The following MGAT4C variants were observed in gnomAD, a reference collection of about 807,000 sequenced individuals.
MGAT4C encodes alpha-1,3-mannosyl-glycoprotein 4-beta-N-acetylglucosaminyltransferase C.
A neutral mutation model predicts 40.1 loss-of-function variants in MGAT4C; 19 were observed. The ratio of observed to expected loss-of-function variants is 0.47; its 90% CI spans 0.33 to 0.70. The LOEUF is 0.70. Ranked by LOEUF, MGAT4C falls within the 30% of genes least tolerant of loss-of-function variation. MGAT4C has a pLI of 0.02. For missense variants in MGAT4C, 491 were observed against 563.2 expected (o/e 0.87, Z 1.30); for synonymous variants, 181 against 187.1 (o/e 0.97, Z 0.27).
intron 1 of MGAT4C, among the ~76,000 whole-genome samples, chr12:86,173,413 C>T (rs1887056906): frequency 6.6e-6 from 1 of 151,914 alleles, no homozygotes; most frequent in Non-Finnish European, 1.5e-5. Flanking sequence ...AGCAGGAATG[C>T]CCATAATAGA....
At chr12:86,591,576 A>G (rs1050713635) in intron 2 of MGAT4C, among the ~76,000 whole-genome samples, 1 of 151,938 alleles carries the variant, frequency 6.6e-6, no homozygotes, top group African/African-American at 2.4e-5. Flanking sequence ...ACAAATATCA[A>G]AATTAAAGAG....
At chr12:86,749,614 TA>T (rs1362899750) in intron 1 of MGAT4C, among the ~76,000 whole-genome samples, 1 of 151,760 alleles carries the variant, frequency 6.6e-6, no homozygotes, top group Non-Finnish European at 1.5e-5. Context: ...ACTAAATAAT[TA>T]AAGACAAATC....
chr12:86,515,496 C>G (rs111287770), intron 2 of MGAT4C, among the ~76,000 whole-genome samples: 10,257 of 151,924 alleles, frequency 0.068, 490 homozygotes, highest in Middle Eastern at 0.13. Flanking sequence ...CAAAGAACAA[C>G]TTAAAAATGG....
intron 1 of MGAT4C, among the ~76,000 whole-genome samples, chr12:86,063,453 G>GA (rs1220261608): frequency 6.6e-6 from 1 of 152,122 alleles, no homozygotes; most frequent in African/African-American, 2.4e-5. Context: ...AGACTATGAA[G>GA]AAACTGCATC....
At chr12:86,632,716 T>G (rs138354852) in intron 2 of MGAT4C, among the ~76,000 whole-genome samples, 4 of 149,494 alleles carry the variant, frequency 2.7e-5, no homozygotes, top group African/African-American at 7.4e-5. Context: ...ATGAGAACAG[T>G]TGGACACAGG....
At chr12:86,576,269 C>G (rs1348360653) in intron 2 of MGAT4C, among the ~76,000 whole-genome samples, 3 of 151,818 alleles carry the variant, frequency 2.0e-5, no homozygotes, top group South Asian at 2.1e-4. Context: ...TATTTTCTCC[C>G]ATTTTGTGGG....
At chr12:86,076,367 T>A (rs1226808229) in intron 1 of MGAT4C, among the ~76,000 whole-genome samples, 1 of 152,222 alleles carries the variant, frequency 6.6e-6, no homozygotes, top group Non-Finnish European at 1.5e-5. Context: ...TTCAAACTTT[T>A]CCACATTTTC....
intron 2 of MGAT4C, among the ~76,000 whole-genome samples, chr12:85,993,729 C>A (rs1886263030): frequency 6.6e-6 from 1 of 152,088 alleles, no homozygotes; most frequent in Admixed American, 6.5e-5. Context: ...GCAGTGGGAA[C>A]CATGAGGAAA....
At chr12:86,097,599 T>A (rs1049819619) in intron 1 of MGAT4C, among the ~76,000 whole-genome samples, 5 of 151,648 alleles carry the variant, frequency 3.3e-5, no homozygotes, top group African/African-American at 1.2e-4. Context: ...AGAGTATACA[T>A]CTTTGAAACT....
intron 1 of MGAT4C, among the ~76,000 whole-genome samples, chr12:86,188,964 G>T (rs546254954): frequency 6.6e-6 from 1 of 151,842 alleles, no homozygotes; most frequent in Admixed American, 6.6e-5. Flanking sequence ...TTTAAAATAA[G>T]AGTGGTTAGG....
chr12:86,151,447 C>T (rs887696581), intron 1 of MGAT4C, among the ~76,000 whole-genome samples: 5 of 152,224 alleles, frequency 3.3e-5, no homozygotes, highest in Admixed American at 3.3e-4. Context: ...CCCGTCTCTA[C>T]TAAAAATACA....
chr12:86,012,299 A>C (rs1005318482), intron 2 of MGAT4C, among the ~76,000 whole-genome samples: 1 of 152,190 alleles, frequency 6.6e-6, no homozygotes, highest in Non-Finnish European at 1.5e-5. Flanking sequence ...TTTCTGATCC[A>C]AGGCTATTGA....
intron 2 of MGAT4C, among the ~76,000 whole-genome samples, chr12:86,633,993 G>T (rs544493460): frequency 7.2e-5 from 11 of 151,954 alleles, no homozygotes; most frequent in Non-Finnish European, 1.5e-4. Flanking sequence ...CTGATGTGAA[G>T]AAATCAACGG....
chr12:86,708,461 G>A (rs553075050), intron 2 of MGAT4C, among the ~76,000 whole-genome samples: 59 of 152,346 alleles, frequency 3.9e-4, no homozygotes, highest in Admixed American at 7.8e-4. Context: ...TGGGGTTGGA[G>A]CTCCCACACA....
intron 2 of MGAT4C, among the ~76,000 whole-genome samples, chr12:86,483,485 A>AT (rs1421529774): frequency 2.0e-5 from 3 of 152,116 alleles, no homozygotes; most frequent in African/African-American, 7.2e-5. Flanking sequence ...AAAAGTCCAC[A>AT]TTTCTTGAAG....
chr12:86,424,306 T>G (rs1341862718), intron 3 of MGAT4C, among the ~76,000 whole-genome samples: 1 of 152,212 alleles, frequency 6.6e-6, no homozygotes, highest in Non-Finnish European at 1.5e-5. Flanking sequence ...CTTTAGATTT[T>G]TGTCCCCCAC....
intron 2 of MGAT4C, among the ~76,000 whole-genome samples, chr12:86,019,472 T>A (rs961281705): frequency 6.6e-6 from 1 of 152,158 alleles, no homozygotes; most frequent in Non-Finnish European, 1.5e-5. Context: ...ATCAGAGAGA[T>A]AAACATTAGG....
intron 2 of MGAT4C, among the ~76,000 whole-genome samples, chr12:86,584,814 T>C (rs10047529): frequency 0.85 from 128,798 of 151,360 alleles, 55,339 homozygotes; most frequent in East Asian, 0.96. Context: ...TTAAATAGAT[T>C]TCATTATTTC....
At chr12:86,502,712 T>C (rs1222892127) in intron 2 of MGAT4C, among the ~76,000 whole-genome samples, 2 of 146,960 alleles carry the variant, frequency 1.4e-5, no homozygotes. Context: ...GATCTGCTCA[T>C]ATATATATAC....
Sources: gnomAD v4.1 joint callset for allele counts (sites outside exome capture counted in the v4.1 genomes callset) on GRCh38, gnomAD v4.1.1 for gene constraint, MANE v1.5 for transcripts, NCBI Gene and HGNC (gene_info 2026-07-23, HGNC 2026-07-21) for gene names.